Variants in SYNPO2 observed in about 807,000 individuals in gnomAD.
SYNPO2 encodes the protein synaptopodin 2.
In SYNPO2, 56 loss-of-function variants were observed where a neutral mutation model predicts 85.0. The ratio of observed to expected loss-of-function variants is 0.66; its 90% CI spans 0.53 to 0.82. SYNPO2 has a LOEUF of 0.82. Ranked by LOEUF, SYNPO2 falls within the 40% of genes least tolerant of loss-of-function variation. The probability of loss-of-function intolerance (pLI) is 0.00; values close to 1 mark genes in which losing one functional copy is unlikely to be tolerated. For missense variants in SYNPO2, 1,575 were observed against 1,534.2 expected (o/e 1.03, Z -0.44); for synonymous variants, 602 against 591.1 (o/e 1.02, Z -0.27).
chr4:118,930,444 G>T (rs2149132767), intron 1 of SYNPO2, among the ~76,000 whole-genome samples: 1 of 152,154 alleles, frequency 6.6e-6, no homozygotes, highest in Middle Eastern at 3.4e-3. Context: ...GGAATAATTT[G>T]CAGCTTAAAA....
chr4:119,026,086 C>T (rs1412852468), intron 2 of SYNPO2, among the ~76,000 whole-genome samples: 1 of 152,136 alleles, frequency 6.6e-6, no homozygotes, highest in Non-Finnish European at 1.5e-5. Context: ...TGGGCTGGGT[C>T]CACTTATTAC....
chr4:119,034,203 C>A, intron 4 of SYNPO2: 1 of 985,398 alleles, frequency 1.0e-6, no homozygotes, highest in South Asian at 4.7e-5. Flanking sequence ...TCTTATGGTG[C>A]AGCAGGAAAA....
chr4:118,944,222 T>C (rs1734420750), intron 1 of SYNPO2, among the ~76,000 whole-genome samples: 1 of 152,098 alleles, frequency 6.6e-6, no homozygotes, highest in Non-Finnish European at 1.5e-5. Context: ...ATTAGTGTTA[T>C]AAAAGGATAA....
chr4:119,052,322 G>A (rs1199690423), intron 4 of SYNPO2, among the ~76,000 whole-genome samples: 1 of 152,148 alleles, frequency 6.6e-6, no homozygotes. Flanking sequence ...ACACACTGTA[G>A]GTAGACAGCT....
intron 1 of SYNPO2, among the ~76,000 whole-genome samples, chr4:119,012,375 C>CTTTTTTTTTTTT (rs10651853): frequency 6.2e-4 from 68 of 109,686 alleles, no homozygotes; most frequent in African/African-American, 1.1e-3. Context: ...TCCCCCTTTT[C>CTTTTTTTTTTTT]TTTTTTTTTT....
intron 1 of SYNPO2, among the ~76,000 whole-genome samples, chr4:118,943,169 T>C (rs1276432837): frequency 3.3e-5 from 5 of 151,796 alleles, no homozygotes; most frequent in Non-Finnish European, 7.4e-5. Flanking sequence ...GATGGTGTGT[T>C]GACAAGTTTA....
intron 4 of SYNPO2, chr4:119,034,946 G>C: frequency 1.0e-6 from 1 of 985,426 alleles, no homozygotes; most frequent in Non-Finnish European, 1.2e-6. Flanking sequence ...GGTGTAGGGA[G>C]GCAGTTTTTG....
chr4:118,952,388 A>G (rs866996841), intron 1 of SYNPO2, among the ~76,000 whole-genome samples: 1 of 151,522 alleles, frequency 6.6e-6, no homozygotes, highest in Non-Finnish European at 1.5e-5. Context: ...ATTTTATTTT[A>G]TTATTATTAT....
At chr4:118,861,417 G>A (rs750950246) in intron 1 of SYNPO2, among the ~76,000 whole-genome samples, 10 of 151,672 alleles carry the variant, frequency 6.6e-5, no homozygotes, top group Admixed American at 5.9e-4. Context: ...GTGTTCTGCC[G>A]GCCTCAGCCT....
chr4:118,936,247 G>A (rs1191528070), intron 1 of SYNPO2, among the ~76,000 whole-genome samples: 8 of 152,082 alleles, frequency 5.3e-5, no homozygotes, highest in Non-Finnish European at 1.0e-4. Context: ...TCTGATGTTC[G>A]CCTAAGGGTT....
rs1732264415 is a variant in SYNPO2 at position 118,888,870 on chromosome 4, G to GGCGGCTGGGGCGGCGGCTGGGGCA, written c.-159_-136dup. 2.9e-6 allele frequency: 2 copies of GGCGGCTGGGGCGGCGGCTGGGGCA among 684,572 alleles called. No homozygotes were observed. The highest frequency in any genetic ancestry group is 5.0e-6 in the Non-Finnish European group (2 of 398,056). 42.4% of individuals were successfully genotyped at this position (684,572 alleles called of 1,614,324 possible). A position where few individuals can be genotyped will look rare whatever the true frequency, so the allele number is the denominator to read the frequency against. ...CCATTAGCCGCACAAATTCGCAGCA[G>GGCGGCTGGGGCGGCGGCTGGGGCA]GCGGCTGGGGCGGCGGCTGGGGCAG... On this transcript the variant is annotated 5_prime_UTR_variant, in exon 1 of 5. Coordinates refer to ENST00000307142, the MANE Select transcript of SYNPO2 (RefSeq NM_133477.3).
chr4:119,045,102 T>C (rs1295844134), intron 4 of SYNPO2, among the ~76,000 whole-genome samples: 1 of 152,188 alleles, frequency 6.6e-6, no homozygotes, highest in Non-Finnish European at 1.5e-5. Context: ...ACTGATAAGA[T>C]TTTTCTCTAA....
At chr4:119,043,162 C>T (rs1167418880) in intron 4 of SYNPO2, 1 of 151,824 alleles carries the variant, frequency 6.6e-6, no homozygotes, top group Non-Finnish European at 1.5e-5. Context: ...GGCTTACTGC[C>T]ATGTTTTTTT....
chr4:119,052,028 A>G (rs1388345659), intron 4 of SYNPO2, among the ~76,000 whole-genome samples: 2 of 152,164 alleles, frequency 1.3e-5, no homozygotes, highest in African/African-American at 4.8e-5. Context: ...GCTGTGTGCA[A>G]GAAGAGTTTC....
chr4:119,053,269 G>A (rs976479219), intron 4 of SYNPO2, among the ~76,000 whole-genome samples: 2 of 152,214 alleles, frequency 1.3e-5, no homozygotes, highest in African/African-American at 4.8e-5. Flanking sequence ...AGAAGTATGG[G>A]TGCCAGTAGA....
intron 2 of SYNPO2, 50 bp downstream of exon 2, chr4:119,023,631 A>G: frequency 6.3e-7 from 1 of 1,579,118 alleles, no homozygotes; most frequent in South Asian, 1.2e-5. Flanking sequence ...CTACATGGGA[A>G]TGATTATAGC....
chr4:118,924,405 G>C (rs770641463), intron 1 of SYNPO2, among the ~76,000 whole-genome samples: 1 of 152,160 alleles, frequency 6.6e-6, no homozygotes, highest in African/African-American at 2.4e-5. Flanking sequence ...ACAGAATTAT[G>C]AGCATTCTGA....
At chr4:119,040,867 C>T (rs1366949212) in intron 4 of SYNPO2, among the ~76,000 whole-genome samples, 2 of 152,242 alleles carry the variant, frequency 1.3e-5, no homozygotes, top group African/African-American at 4.8e-5. Flanking sequence ...CCTTTCCACA[C>T]TGTCCTAGGA....
chr4:119,012,546 C>T (rs897155841), intron 1 of SYNPO2, among the ~76,000 whole-genome samples: 2 of 152,054 alleles, frequency 1.3e-5, no homozygotes, highest in African/African-American at 4.8e-5. Flanking sequence ...TCTCCCTCCC[C>T]TTGCCCACTT....
Sources: gnomAD v4.1 joint callset for allele counts (sites outside exome capture counted in the v4.1 genomes callset) on GRCh38, gnomAD v4.1.1 for gene constraint, MANE v1.5 for transcripts, NCBI Gene and HGNC (gene_info 2026-07-23, HGNC 2026-07-21) for gene names.